RBKS: variants seen among roughly 807,000 people sequenced by gnomAD.
The protein encoded by RBKS is ribokinase.
A neutral mutation model predicts 33.9 loss-of-function variants in RBKS; 33 were observed. The ratio of observed to expected loss-of-function variants is 0.97; its 90% CI spans 0.74 to 1.30. RBKS has a LOEUF of 1.30. Ranked by LOEUF, RBKS falls within the 50% of genes most tolerant of loss-of-function variation. The pLI is 0.00. For missense variants in RBKS, 361 were observed against 392.6 expected (o/e 0.92, Z 0.68); for synonymous variants, 125 against 143.0 (o/e 0.87, Z 0.90).
chr2:27,854,566 GTTACCT>G (rs1369450034), intron 2 of RBKS, among the ~76,000 whole-genome samples: 1 of 152,170 alleles, frequency 6.6e-6, no homozygotes, highest in Non-Finnish European at 1.5e-5. Context: ...TGGCCCAGAA[GTTACCT>G]TTTATAGTTC....
At chr2:27,806,133 C>T (rs1296811288) in intron 7 of RBKS, among the ~76,000 whole-genome samples, 1 of 151,612 alleles carries the variant, frequency 6.6e-6, no homozygotes, top group Non-Finnish European at 1.5e-5. Context: ...ATTCGCCCGC[C>T]TCGGCCTCCC....
At position 27,847,071 on chromosome 2, in the gene RBKS, C is replaced by A. The variant is rs1663635898; in HGVS notation, c.320G>T (p.Gly107Val). The A allele has an allele frequency of 6.2e-7, 1 of 1,606,880 alleles. No individual in the cohort carries two copies. The highest frequency in any genetic ancestry group is 8.5e-7 in the Non-Finnish European group (1 of 1,173,978). The change falls in exon 4 of 8, where the codon GGA becomes GTA. Residue 107 changes from glycine to valine, a missense_variant. Coordinates refer to ENST00000302188, the MANE Select transcript of RBKS (RefSeq NM_022128.3). ...FTYQTKDAAT[G>V]TASIIVNNEG... Reference sequence around the variant, plus strand: ...ATTATTGACAATTATAGAAGCAGTTCCTGTAGCAGCATCTTTAGTCTGATA... The same window carrying A: ...ATTATTGACAATTATAGAAGCAGTTACTGTAGCAGCATCTTTAGTCTGATA...
In RBKS at chr2:27,847,028, T is replaced by C. The variant is rs1008869111; in HGVS notation, c.349+14A>G. 1.3e-6 allele frequency: 2 copies of C among 1,570,050 alleles called. No individual in the cohort carries two copies. The highest frequency in any genetic ancestry group is 2.2e-5 in the East Asian group (1 of 44,554). On this transcript the variant is annotated intron_variant, in intron 4 of 7. Transcript: ENST00000302188. ...TGTCTTATGAAATGACACTCCAATA[T>C]GCAAAACACTTACCTTCATTATTGA... is the stretch of plus-strand genomic sequence containing the variant.
rs192647260 is a variant in RBKS at position 27,836,323 on chromosome 2, G to A, written c.515-3546C>T. ...TCAACATAATTCAAGGTGGCAGTGCGGGGTAGGGAGCCATGAGGCAGGATA... is the reference window on the plus strand; with the variant it reads ...TCAACATAATTCAAGGTGGCAGTGCAGGGTAGGGAGCCATGAGGCAGGATA... On this transcript the variant is annotated intron_variant, in intron 5 of 7. Transcript: ENST00000302188. Among the ~76,000 whole-genome samples, 15 of 152,276 alleles carry A rather than the reference G, an allele frequency of 9.9e-5. No individual in the cohort carries two copies. In the South Asian group the frequency reaches 1.5e-3, roughly 15 times the overall value.
intron 7 of RBKS, among the ~76,000 whole-genome samples, chr2:27,823,830 T>C (rs917081838): frequency 6.6e-6 from 1 of 152,328 alleles, no homozygotes; most frequent in South Asian, 2.1e-4. Context: ...GTGGAGAGTC[T>C]TTATCACGAA....
intron 1 of RBKS, among the ~76,000 whole-genome samples, chr2:27,873,426 TTAGATAATACTC>T (rs1387832219): frequency 6.6e-6 from 1 of 152,164 alleles, no homozygotes; most frequent in African/African-American, 2.4e-5. Context: ...AAGAAACATT[TTAGATAATACTC>T]TATTTTCTTT....
At chr2:27,789,921 G>GTGTATATATATATATGTATA (rs1677479781) in intron 7 of RBKS, among the ~76,000 whole-genome samples, 1 of 127,282 alleles carries the variant, frequency 7.9e-6, no homozygotes, top group African/African-American at 2.8e-5. Context: ...GTGTGTTTGT[G>GTGTATATATATATATGTATA]TGTGTATATA....
chr2:27,877,285 GT>G (rs996070077), intron 1 of RBKS, among the ~76,000 whole-genome samples: 55 of 145,900 alleles, frequency 3.8e-4, no homozygotes, highest in East Asian at 8.0e-4. Context: ...GCTTTGTGTA[GT>G]TTTTTTTTTT....
chr2:27,853,002 G>T (rs989921775), intron 2 of RBKS, among the ~76,000 whole-genome samples: 3 of 152,074 alleles, frequency 2.0e-5, no homozygotes, highest in Admixed American at 2.0e-4. Context: ...TACATAAGAA[G>T]AATATATAAA....
intron 1 of RBKS, among the ~76,000 whole-genome samples, chr2:27,887,692 C>G (rs941254496): frequency 1.1e-4 from 4 of 37,056 alleles, no homozygotes; most frequent in African/African-American, 2.5e-4. Context: ...AATGATTTTG[C>G]TAATCATCAG....
At position 27,843,129 on chromosome 2, in the gene RBKS, C is replaced by CA. The variant is rs1663546954; in HGVS notation, c.451dup (p.Cys151LeufsTer34). 1.2e-6 allele frequency: 2 copies of CA among 1,610,864 alleles called. No homozygotes were observed. The highest frequency in any genetic ancestry group is 1.7e-6 in the Non-Finnish European group (2 of 1,178,374). On this transcript the variant is annotated frameshift_variant, in exon 5 of 8. Transcript: ENST00000302188. LOFTEE classifies it high-confidence loss of function. ...AGTTGCTGGAGTTATTTCGAGCTGG[C>CA]AGACCATGACTTTGGCTCTGCTAAT...
chr2:27,859,987 G>A (rs969515058), intron 1 of RBKS, among the ~76,000 whole-genome samples: 1 of 152,110 alleles, frequency 6.6e-6, no homozygotes, highest in African/African-American at 2.4e-5. Flanking sequence ...CTCTAAAAGT[G>A]TCAATAAATT....
At chr2:27,840,501 A>G (rs1288526229) in intron 5 of RBKS, among the ~76,000 whole-genome samples, 1 of 151,800 alleles carries the variant, frequency 6.6e-6, no homozygotes, top group African/African-American at 2.4e-5. Context: ...TAATGGACAC[A>G]TGAGTGTGTG....
intron 2 of RBKS, among the ~76,000 whole-genome samples, chr2:27,856,681 G>A (rs1663862945): frequency 6.6e-6 from 1 of 152,084 alleles, no homozygotes; most frequent in Admixed American, 6.5e-5. Flanking sequence ...AATGTCTCCA[G>A]CTCTAGGAAC....
At chr2:27,865,974 G>T (rs886943123) in intron 1 of RBKS, among the ~76,000 whole-genome samples, 2 of 152,114 alleles carry the variant, frequency 1.3e-5, no homozygotes, top group African/African-American at 4.8e-5. Flanking sequence ...GAGAAGTGAA[G>T]AAAAAGTCTT....
chr2:27,860,348 ATG>A (rs1374456087), intron 1 of RBKS, among the ~76,000 whole-genome samples: 2 of 152,220 alleles, frequency 1.3e-5, no homozygotes, highest in African/African-American at 4.8e-5. Context: ...TTGAGTAACT[ATG>A]TGAATTCTTG....
intron 7 of RBKS, among the ~76,000 whole-genome samples, chr2:27,807,184 A>G (rs1373661563): frequency 6.6e-6 from 1 of 152,240 alleles, no homozygotes; most frequent in Non-Finnish European, 1.5e-5. Flanking sequence ...ACACTCTTGC[A>G]TGTGTGCTAA....
intron 1 of RBKS, among the ~76,000 whole-genome samples, chr2:27,861,737 T>C (rs1246405364): frequency 6.6e-6 from 1 of 150,634 alleles, no homozygotes; most frequent in African/African-American, 2.4e-5. Flanking sequence ...CTGTTACCTC[T>C]GCCTCCTGGG....
At chr2:27,843,270 A>C in intron 4 of RBKS, 39 bp from the exon 5 acceptor site, 4 of 1,470,760 alleles carry the variant, frequency 2.7e-6, no homozygotes, top group Non-Finnish European at 3.7e-6. Flanking sequence ...AAACTAAACA[A>C]AGCCAAGCAA....
Sources: allele counts gnomAD v4.1 joint callset (sites outside exome capture counted in the v4.1 genomes callset), GRCh38; gene constraint gnomAD v4.1.1; transcripts MANE v1.5; gene names NCBI Gene and HGNC (gene_info 2026-07-23, HGNC 2026-07-21).